The following ZNF536 variants were observed in gnomAD, a reference collection of about 807,000 sequenced individuals.
The protein encoded by ZNF536 is zinc finger protein 536.
In ZNF536, 13 loss-of-function variants were observed where a neutral mutation model predicts 84.5. The ratio of observed to expected loss-of-function variants is 0.15; its 90% CI spans 0.10 to 0.24. The LOEUF is 0.24. ZNF536 is among the 10% of genes least tolerant of loss of function. The pLI is 1.00. For missense variants in ZNF536, 1,536 were observed against 1,747.5 expected (o/e 0.88, Z 2.16); for synonymous variants, 811 against 742.5 (o/e 1.09, Z -1.50).
intron 2 of ZNF536, among the ~76,000 whole-genome samples, chr19:30,333,083 T>G (rs1030603436): frequency 6.6e-6 from 1 of 152,122 alleles, no homozygotes; most frequent in African/African-American, 2.4e-5. Context: ...TTTTCGACCT[T>G]CTGCCATTGC....
chr19:30,363,799 A>G (rs948872578), intron 3 of ZNF536, among the ~76,000 whole-genome samples: 3 of 152,212 alleles, frequency 2.0e-5, no homozygotes, highest in Non-Finnish European at 4.4e-5. Context: ...GAAGAGCTTC[A>G]TGGAAGGGCT....
chr19:30,246,953 GA>G (rs1195041311), intron 1 of ZNF536, among the ~76,000 whole-genome samples: 1 of 152,162 alleles, frequency 6.6e-6, no homozygotes, highest in African/African-American at 2.4e-5. Context: ...TAGAAACTAA[GA>G]AATCCCTTGG....
intron 1 of ZNF536, among the ~76,000 whole-genome samples, chr19:30,421,174 C>A (rs2050940772): frequency 6.6e-6 from 1 of 152,140 alleles, no homozygotes; most frequent in African/African-American, 2.4e-5. Flanking sequence ...ATCCAGCGTG[C>A]AGAGAAGGGA....
At chr19:30,613,217 A>T (rs2048161467) in intron 1 of ZNF536, among the ~76,000 whole-genome samples, 2 of 152,064 alleles carry the variant, frequency 1.3e-5, no homozygotes, top group African/African-American at 4.8e-5. Flanking sequence ...TCAGCTGTCA[A>T]TTTTTTTATG....
intron 1 of ZNF536, among the ~76,000 whole-genome samples, chr19:30,650,720 A>G (rs2049669292): frequency 6.6e-6 from 1 of 152,230 alleles, no homozygotes; most frequent in African/African-American, 2.4e-5. Context: ...TCCTCCATCC[A>G]AACAGATGAC....
chr19:30,484,044 A>G (rs942957760), intron 2 of ZNF536, among the ~76,000 whole-genome samples: 6 of 151,814 alleles, frequency 4.0e-5, no homozygotes, highest in Non-Finnish European at 7.4e-5. Flanking sequence ...CCTGACCCCA[A>G]GTCTCTGTTA....
chr19:30,274,967 CT>C (rs1206120811), intron 1 of ZNF536, among the ~76,000 whole-genome samples: 1 of 152,174 alleles, frequency 6.6e-6, no homozygotes, highest in Non-Finnish European at 1.5e-5. Flanking sequence ...ATTAGAAAGC[CT>C]TTATAATTTT....
chr19:30,503,537 A>G (rs2055035503), intron 2 of ZNF536, among the ~76,000 whole-genome samples: 1 of 152,252 alleles, frequency 6.6e-6, no homozygotes, highest in South Asian at 2.1e-4. Context: ...TTTACGGAAA[A>G]TTATGTGAGA....
At chr19:30,432,912 T>C (rs2051541438) in intron 1 of ZNF536, among the ~76,000 whole-genome samples, 1 of 151,990 alleles carries the variant, frequency 6.6e-6, no homozygotes, top group Admixed American at 6.5e-5. Flanking sequence ...CGTTGGCGTC[T>C]TTTTTATAGG....
At position 30,627,468 on chromosome 19, in the gene ZNF536, C is replaced by CAAAAAAAAAAAAAAAA. The variant is rs569312789; in HGVS notation, c.169+77974_169+77989dup. 9.6e-5 allele frequency among the ~76,000 whole-genome samples: 5 copies of CAAAAAAAAAAAAAAAA among 52,050 alleles called. 1 individual carries two copies. Among genetic ancestry groups the CAAAAAAAAAAAAAAAA allele is most frequent in the African/African-American group, 3.8e-4 (4 of 10,648 alleles). 34.1% of individuals were successfully genotyped at this position (52,050 alleles called of 152,430 possible). On this transcript the variant is annotated intron_variant, in intron 1 of 1. Coordinates refer to the ZNF536 transcript ENST00000592773. Reference sequence around the variant, plus strand: ...CCTGGGTGACAGACCAAGGCCCTGTCAAAAAAAAAAAAAAAAAAAAAAAAA... The same window carrying CAAAAAAAAAAAAAAAA: ...CCTGGGTGACAGACCAAGGCCCTGTCAAAAAAAAAAAAAAAAAAAAAAAAAAAAAAAAAAAAAAAAA...
intron 2 of ZNF536, among the ~76,000 whole-genome samples, chr19:30,515,451 G>A (rs994216469): frequency 1.3e-5 from 2 of 151,980 alleles, no homozygotes; most frequent in Non-Finnish European, 2.9e-5. Flanking sequence ...TATTTATTTT[G>A]CTCTCCCTGG....
At chr19:30,330,550 G>A (rs1022009750) in intron 2 of ZNF536, among the ~76,000 whole-genome samples, 1 of 152,122 alleles carries the variant, frequency 6.6e-6, no homozygotes, top group Non-Finnish European at 1.5e-5. Context: ...AGGTTACATT[G>A]CCACTCTGGG....
At chr19:30,693,023 GGAGAGAGA>G (rs10547153) in intron 1 of ZNF536, among the ~76,000 whole-genome samples, 81 of 148,362 alleles carry the variant, frequency 5.5e-4, no homozygotes, top group Non-Finnish European at 1.1e-3. Context: ...AACCTGGGGG[GGAGAGAGA>G]GAGAGAGAGA....
chr19:30,474,571 G>C (rs11668263), intron 2 of ZNF536, among the ~76,000 whole-genome samples: 6,732 of 152,198 alleles, frequency 0.044, 227 homozygotes, highest in Non-Finnish European at 0.068. Flanking sequence ...CGGGGTGAAA[G>C]CACTGATGTG....
intron 2 of ZNF536, among the ~76,000 whole-genome samples, chr19:30,333,080 C>T (rs1391331781): frequency 6.6e-6 from 1 of 152,060 alleles, no homozygotes; most frequent in Admixed American, 6.6e-5. Context: ...CCATTTTCGA[C>T]CTTCTGCCAT....
chr19:30,296,060 T>TACTG (rs1283019131), intron 2 of ZNF536: 1 of 152,268 alleles, frequency 6.6e-6, no homozygotes, highest in African/African-American at 2.4e-5. Flanking sequence ...AATGACTGTG[T>TACTG]ACTGGGCTTC....
intron 2 of ZNF536, among the ~76,000 whole-genome samples, chr19:30,457,479 G>T (rs550990483): frequency 6.6e-6 from 1 of 152,336 alleles, no homozygotes; most frequent in South Asian, 2.1e-4. Context: ...GGGAGGGAGA[G>T]GGCCGGAGCA....
At chr19:30,634,074 G>A (rs916137278) in intron 1 of ZNF536, among the ~76,000 whole-genome samples, 1 of 152,040 alleles carries the variant, frequency 6.6e-6, no homozygotes, top group Non-Finnish European at 1.5e-5. Flanking sequence ...TCAGGCTGCA[G>A]GAAGGTCGTT....
chr19:30,549,329 G>T lies in ZNF536; in HGVS notation c.3710G>T (p.Gly1237Val), dbSNP rs765250094. The T allele has an allele frequency of 3.1e-6, 5 of 1,610,268 alleles. No individual in the cohort carries two copies. The highest frequency in any genetic ancestry group is 4.5e-5 in the East Asian group (2 of 44,802). ...QAPEKQWHSQGLLQAQDPLAG... is the reference protein window; with the variant it reads ...QAPEKQWHSQVLLQAQDPLAG... ...CCGGAGAAGCAGTGGCACAGCCAGG[G>T]TCTTCTCCAAGCCCAGGACCCCTTG... Residue 1237 changes from glycine (G) to valine (V), a missense_variant, in exon 4 of 5, where the codon GGT becomes GTT. By Grantham distance (109) the Gly-to-Val change is moderately radical. This residue lies in a region of ZNF536 where 624 missense variants were observed against 603.1 expected (regional missense o/e 1.03). Coordinates refer to ENST00000355537, the MANE Select transcript of ZNF536 (RefSeq NM_014717.3).
Sources: allele counts gnomAD v4.1 joint callset (sites outside exome capture counted in the v4.1 genomes callset), GRCh38; gene constraint gnomAD v4.1.1; regional missense constraint gnomAD v4.1.1; transcripts MANE v1.5; gene names NCBI Gene and HGNC (gene_info 2026-07-23, HGNC 2026-07-21).